The following CREB5 variants were observed in gnomAD, a reference collection of about 807,000 sequenced individuals.
The protein encoded by CREB5 is cAMP responsive element binding protein 5.
CREB5 carries 19 observed loss-of-function variants against 57.1 expected under a neutral mutation model. The ratio of observed to expected loss-of-function variants is 0.33; its 90% confidence interval spans 0.23 to 0.49. The LOEUF is 0.49. Ranked by LOEUF, CREB5 falls within the 20% of genes least tolerant of loss-of-function variation. CREB5 has a pLI of 0.99. For synonymous variants in CREB5, 238 were observed against 238.3 expected, an observed-to-expected ratio of 1.00 and a Z score of 0.01; for missense variants, 579 against 671.6, an observed-to-expected ratio of 0.86 and a Z score of 1.52.
chr7:28,308,372 A>G (rs1785223144), intron 1 of CREB5, among the ~76,000 whole-genome samples: 1 of 152,250 alleles, frequency 6.6e-6, no homozygotes, highest in South Asian at 2.1e-4. Context: ...ACTAGCAAAC[A>G]GTTCCACAGC....
chr7:28,805,179 A>AT (rs1808638216), intron 8 of CREB5, among the ~76,000 whole-genome samples: 1 of 152,202 alleles, frequency 6.6e-6, no homozygotes, highest in Non-Finnish European at 1.5e-5. Context: ...GACCAAGAGA[A>AT]AGGCCAAATC....
At chr7:28,649,458 T>A (rs1213317804) in intron 5 of CREB5, among the ~76,000 whole-genome samples, 2 of 152,220 alleles carry the variant, frequency 1.3e-5, no homozygotes, top group Admixed American at 1.3e-4. Context: ...AGTGGAGCAG[T>A]TGCAATGGAG....
chr7:28,551,653 T>C (rs1401645161), intron 4 of CREB5, among the ~76,000 whole-genome samples: 1 of 152,116 alleles, frequency 6.6e-6, no homozygotes, highest in African/African-American at 2.4e-5. Context: ...AAAAGAAAGC[T>C]CTGAGTGGTC....
At chr7:28,511,878 AGT>A (rs565660191) in intron 4 of CREB5, among the ~76,000 whole-genome samples, 43 of 152,366 alleles carry the variant, frequency 2.8e-4, no homozygotes, top group African/African-American at 7.7e-4. Context: ...ATCGAAGAGC[AGT>A]GGCTGAGAGA....
chr7:28,785,511 G>A (rs1807269802), intron 7 of CREB5, among the ~76,000 whole-genome samples: 1 of 152,212 alleles, frequency 6.6e-6, no homozygotes, highest in African/African-American at 2.4e-5. Flanking sequence ...AGCGATGGTT[G>A]TTCTTTTTGT....
chr7:28,759,725 C>T (rs758679772), intron 7 of CREB5, among the ~76,000 whole-genome samples: 1 of 152,208 alleles, frequency 6.6e-6, no homozygotes, highest in African/African-American at 2.4e-5. Context: ...ATAGAGAATG[C>T]AAAACAGGAA....
At chr7:28,670,678 G>A (rs1451881011) in intron 5 of CREB5, among the ~76,000 whole-genome samples, 2 of 152,090 alleles carry the variant, frequency 1.3e-5, no homozygotes, top group African/African-American at 2.4e-5. Context: ...TCTCCCATGT[G>A]CCATCTAAAA....
intron 7 of CREB5, among the ~76,000 whole-genome samples, chr7:28,773,726 C>T (rs1359113446): frequency 6.6e-6 from 1 of 152,200 alleles, no homozygotes; most frequent in Non-Finnish European, 1.5e-5. Flanking sequence ...TTTTAATTGT[C>T]ACCCCTGTCC....
intron 7 of CREB5, among the ~76,000 whole-genome samples, chr7:28,763,673 T>C (rs1805788062): frequency 6.6e-6 from 1 of 152,196 alleles, no homozygotes. Context: ...CTCCTGTAAA[T>C]TATCCTGCCC....
At chr7:28,469,857 T>C (rs994319796) in intron 1 of CREB5, among the ~76,000 whole-genome samples, 2 of 152,312 alleles carry the variant, frequency 1.3e-5, no homozygotes, top group South Asian at 4.1e-4. Context: ...CAGCTAATTA[T>C]TGAAAGAACC....
intron 8 of CREB5, among the ~76,000 whole-genome samples, chr7:28,808,693 C>T (rs932228237): frequency 5.3e-5 from 8 of 149,814 alleles, no homozygotes; most frequent in African/African-American, 1.5e-4. Flanking sequence ...CATGCGCCAC[C>T]ATGCCTGGCC....
At chr7:28,681,798 T>G (rs1800607520) in intron 5 of CREB5, among the ~76,000 whole-genome samples, 2 of 152,220 alleles carry the variant, frequency 1.3e-5, no homozygotes, top group South Asian at 4.1e-4. Context: ...GAGGATTGTA[T>G]TCATTCATTC....
At chr7:28,675,900 C>T (rs958955696) in intron 5 of CREB5, among the ~76,000 whole-genome samples, 3 of 152,106 alleles carry the variant, frequency 2.0e-5, no homozygotes, top group Non-Finnish European at 2.9e-5. Context: ...ATGGAAAGGG[C>T]GAGTTACAGG....
intron 5 of CREB5, among the ~76,000 whole-genome samples, chr7:28,660,336 C>G (rs1336285733): frequency 2.0e-5 from 3 of 151,328 alleles, no homozygotes; most frequent in African/African-American, 7.3e-5. Flanking sequence ...TTATTTTGAA[C>G]CTAGCTTTCT....
intron 1 of CREB5, among the ~76,000 whole-genome samples, chr7:28,443,393 G>A (rs1020553771): frequency 6.6e-6 from 1 of 152,178 alleles, no homozygotes; most frequent in African/African-American, 2.4e-5. Flanking sequence ...ACACTGGACA[G>A]TAAGCAAACC....
intron 1 of CREB5, among the ~76,000 whole-genome samples, chr7:28,311,107 GCAC>G: frequency 7.1e-6 from 1 of 140,070 alleles, no homozygotes. Flanking sequence ...ATCCTGGCTA[GCAC>G]GGTGAAACCC....
chr7:28,625,088 C>T (rs1013738860), intron 5 of CREB5, among the ~76,000 whole-genome samples: 3 of 150,072 alleles, frequency 2.0e-5, no homozygotes, highest in Admixed American at 6.7e-5. Flanking sequence ...CCCATGGCTA[C>T]ATTATAAGGC....
intron 4 of CREB5, among the ~76,000 whole-genome samples, chr7:28,557,358 T>C (rs1398471199): frequency 1.3e-5 from 2 of 152,156 alleles, no homozygotes; most frequent in African/African-American, 4.8e-5. Context: ...GGGGATTATA[T>C]ACGAAAATGA....
chr7:28,431,119 G>A (rs1348091200), intron 1 of CREB5, among the ~76,000 whole-genome samples: 2 of 152,208 alleles, frequency 1.3e-5, no homozygotes, highest in Non-Finnish European at 2.9e-5. Flanking sequence ...AGGAGAAAGC[G>A]AGAGATGGGA....
Sources: gnomAD v4.1 joint callset for allele counts (sites outside exome capture counted in the v4.1 genomes callset) on GRCh38, gnomAD v4.1.1 for gene constraint, MANE v1.5 for transcripts, NCBI Gene and HGNC (gene_info 2026-07-23, HGNC 2026-07-21) for gene names.